RIN2: variants seen among roughly 807,000 people sequenced by gnomAD.
RIN2 encodes RAB5 interacting protein 2.
Under a neutral mutation model 78.0 loss-of-function variants are expected in RIN2, and 36 were observed. The ratio of observed to expected loss-of-function variants is 0.46; its 90% CI spans 0.35 to 0.61. The LOEUF (loss-of-function observed/expected upper bound fraction) is 0.61. RIN2 is among the 20% of genes least tolerant of loss of function. The pLI, the probability that RIN2 is intolerant of heterozygous loss-of-function variation, is 0.00. For missense variants in RIN2, 1,087 were observed against 1,159.7 expected, an observed-to-expected ratio of 0.94 and a Z score of 0.91; for synonymous variants, 466 against 466.8, an observed-to-expected ratio of 1.00 and a Z score of 0.02.
intron 2 of RIN2, among the ~76,000 whole-genome samples, chr20:19,859,823 G>A (rs576220908): frequency 1.3e-5 from 2 of 152,238 alleles, no homozygotes; most frequent in South Asian, 2.1e-4. Context: ...TCTCTATATG[G>A]AGAATCCAGT....
At chr20:19,961,954 A>T (rs1347239599) in intron 6 of RIN2, among the ~76,000 whole-genome samples, 2 of 152,190 alleles carry the variant, frequency 1.3e-5, no homozygotes, top group African/African-American at 4.8e-5. Context: ...AGGTGAATTG[A>T]TAATGAATTT....
intron 2 of RIN2, among the ~76,000 whole-genome samples, chr20:19,882,251 G>T (rs2038046950): frequency 6.6e-6 from 1 of 152,042 alleles, no homozygotes; most frequent in Admixed American, 6.6e-5. Flanking sequence ...TAGAAATAAT[G>T]AAAACAGCCA....
At chr20:19,914,622 A>G (rs2039610276) in intron 3 of RIN2, among the ~76,000 whole-genome samples, 1 of 152,172 alleles carries the variant, frequency 6.6e-6, no homozygotes, top group African/African-American at 2.4e-5. Context: ...GGATATACCG[A>G]CCTGGGAAAG....
chr20:19,851,026 GA>G lies in RIN2; in HGVS notation c.-36-38538del, dbSNP rs1434228998. On this transcript the variant is annotated intron_variant, in intron 2 of 12. Coordinates refer to ENST00000255006, the MANE Select transcript of RIN2 (RefSeq NM_018993.4). The stretch of plus-strand genomic sequence containing the variant: ...GGAAGGAAGGAAGGAAGGAAGGAAG[GA>G]AGGAAGGAAGGAAGGAAGGAAGGAG... Among the ~76,000 whole-genome samples, 335 of 109,378 alleles carry G rather than the reference GA, an allele frequency of 3.1e-3. 4 individuals carry two copies. Among genetic ancestry groups the G allele is most frequent in the African/African-American group, 0.012 (314 of 26,346 alleles). 71.8% of individuals were successfully genotyped at this position (109,378 alleles called of 152,430 possible). A position where few individuals can be genotyped will look rare whatever the true frequency, so the allele number is the denominator to read the frequency against.
At chr20:19,803,089 G>A (rs1008908725) in intron 2 of RIN2, among the ~76,000 whole-genome samples, 3 of 152,192 alleles carry the variant, frequency 2.0e-5, no homozygotes, top group African/African-American at 7.2e-5. Flanking sequence ...AAAAAGGCCA[G>A]CACTGCCATC....
intron 1 of RIN2, among the ~76,000 whole-genome samples, chr20:19,776,496 C>G (rs1014777680): frequency 6.6e-6 from 1 of 152,164 alleles, no homozygotes; most frequent in African/African-American, 2.4e-5. Context: ...CTTTGGGAGG[C>G]TGAGGCAGAT....
chr20:19,825,947 T>C (rs1000695414), intron 2 of RIN2, among the ~76,000 whole-genome samples: 6 of 152,268 alleles, frequency 3.9e-5, no homozygotes, highest in African/African-American at 1.4e-4. Flanking sequence ...ATTGTAGGTA[T>C]AGCCCTGAAG....
chr20:19,992,041 C>A, intron 10 of RIN2, 127 bp from the exon 11 acceptor site: 1 of 1,088,664 alleles, frequency 9.2e-7, no homozygotes, highest in South Asian at 1.9e-5. Flanking sequence ...GAAACACTCA[C>A]CTCTGTTTAT....
Position 20,000,907 on chromosome 20 carries a change from A to C in RIN2, c.2659A>C (p.Asn887His), listed in dbSNP as rs376601257. The change falls in exon 13 of 13, where the codon AAC (asparagine) becomes CAC (histidine). Residue 887 changes from asparagine to histidine, a missense_variant. Asn to His is a moderately conservative substitution (Grantham distance 68). Around this residue, in one of 8 missense-constraint regions of RIN2, gnomAD observed 160 missense variants for 179.4 expected, o/e 0.89. Transcript: ENST00000255006. ...CGATCCTTATGGCATCATTTTCCAG[A>C]ACGGGGAAGAAGACCTCACCACCTC... ...KNDPYGIIFQNGEEDLTTS is the reference protein window; with the variant it reads ...KNDPYGIIFQHGEEDLTTS The C allele has an allele frequency of 6.2e-7, 1 of 1,612,616 alleles. No individual in the cohort carries two copies. The highest frequency in any genetic ancestry group is 1.3e-5 in the African/African-American group (1 of 74,904).
intron 6 of RIN2, among the ~76,000 whole-genome samples, chr20:19,964,011 A>T (rs749992813): frequency 6.6e-6 from 1 of 151,848 alleles, no homozygotes; most frequent in Non-Finnish European, 1.5e-5. Context: ...TTACAGGTGC[A>T]TGTCACCACA....
intron 2 of RIN2, among the ~76,000 whole-genome samples, chr20:19,837,552 T>C (rs1172780057): frequency 6.6e-6 from 1 of 152,196 alleles, no homozygotes; most frequent in Non-Finnish European, 1.5e-5. Context: ...AATTTCACCA[T>C]TGGGATACTA....
intron 3 of RIN2, among the ~76,000 whole-genome samples, chr20:19,916,324 T>A (rs1245173543): frequency 6.6e-6 from 1 of 152,162 alleles, no homozygotes; most frequent in African/African-American, 2.4e-5. Context: ...TTGCATTTCT[T>A]TAAGAGTTTG....
chr20:19,801,155 A>T (rs2035228899), intron 2 of RIN2, among the ~76,000 whole-genome samples: 1 of 152,172 alleles, frequency 6.6e-6, no homozygotes, highest in Non-Finnish European at 1.5e-5. Flanking sequence ...TCCCTTTCTG[A>T]CTTAAGTGTA....
chr20:19,785,614 G>A (rs977505910), intron 1 of RIN2, among the ~76,000 whole-genome samples: 14 of 152,272 alleles, frequency 9.2e-5, no homozygotes, highest in East Asian at 5.8e-4. Flanking sequence ...ATCCATAAGC[G>A]TACTGGCTAT....
chr20:19,775,270 TG>T (rs1187738988), intron 1 of RIN2, among the ~76,000 whole-genome samples: 1 of 152,222 alleles, frequency 6.6e-6, no homozygotes, highest in African/African-American at 2.4e-5. Flanking sequence ...TGGCAATAAG[TG>T]CAAAATTTTA....
At chr20:19,919,379 A>G (rs1310615464) in intron 3 of RIN2, among the ~76,000 whole-genome samples, 1 of 152,242 alleles carries the variant, frequency 6.6e-6, no homozygotes, top group African/African-American at 2.4e-5. Flanking sequence ...ATAAGTCAGC[A>G]CATTTCAGTT....
chr20:19,912,770 C>T (rs980341468), intron 3 of RIN2, among the ~76,000 whole-genome samples: 17 of 152,102 alleles, frequency 1.1e-4, no homozygotes, highest in Admixed American at 4.6e-4. Flanking sequence ...TGAGCTACCA[C>T]GACCACGCCG....
chr20:19,934,503 C>G (rs1032659587), intron 3 of RIN2: 27 of 985,370 alleles, frequency 2.7e-5, no homozygotes, highest in Non-Finnish European at 3.3e-5. Context: ...CCCCTCCTCC[C>G]CACTCATCCA....
intron 3 of RIN2, among the ~76,000 whole-genome samples, chr20:19,899,319 A>G (rs1568586095): frequency 1.3e-5 from 2 of 152,196 alleles, no homozygotes; most frequent in Admixed American, 6.5e-5. Context: ...AAACTCAGAT[A>G]TGTACATATA....
Sources: gnomAD v4.1 joint callset for allele counts (sites outside exome capture counted in the v4.1 genomes callset) on GRCh38, gnomAD v4.1.1 for gene constraint, gnomAD v4.1.1 regional missense constraint, MANE v1.5 for transcripts, NCBI Gene and HGNC (gene_info 2026-07-23, HGNC 2026-07-21) for gene names.